The following ATCAY variants were observed in gnomAD, a reference collection of about 807,000 sequenced individuals.
The protein encoded by ATCAY is ATCAY kinesin light chain interacting caytaxin.
In ATCAY, 22 loss-of-function variants were observed where a neutral mutation model predicts 47.7. The ratio of observed to expected loss-of-function variants is 0.46; its 90% CI spans 0.33 to 0.66. ATCAY has a LOEUF of 0.66. Ranked by LOEUF, ATCAY falls within the 30% of genes least tolerant of loss-of-function variation. ATCAY has a pLI of 0.02. For missense variants in ATCAY, 452 were observed against 515.0 expected (o/e 0.88, Z 1.18); for synonymous variants, 216 against 207.6 (o/e 1.04, Z -0.35).
intron 6 of ATCAY, among the ~76,000 whole-genome samples, chr19:3,908,578 C>T (rs1021350668): frequency 8.6e-5 from 13 of 151,488 alleles, no homozygotes; most frequent in Admixed American, 7.2e-4. Context: ...TTCTCCTCCC[C>T]GTCCTCCTCC....
rs181350451 is a variant in ATCAY at position 3,887,477 on chromosome 19, T to A, written c.77+1633T>A. Among the ~76,000 whole-genome samples the A allele has an allele frequency of 4.3e-3, 639 of 149,684 alleles. 5 individuals carry two copies. Among genetic ancestry groups the A allele is most frequent in the African/African-American group, 0.015 (616 of 40,412 alleles). On this transcript the variant is annotated intron_variant, in intron 2 of 12. Coordinates refer to ENST00000450849, the MANE Select transcript of ATCAY (RefSeq NM_033064.5). The stretch of plus-strand genomic sequence containing the variant: ...TGTCTCTATTTTATTTTATTTTTTT[T>A]ATTTTATTTATTTATTTATTTATTT...
At chr19:3,908,089 C>A (rs1360375355) in intron 5 of ATCAY, among the ~76,000 whole-genome samples, 170 bp downstream of exon 5, 1 of 152,202 alleles carries the variant, frequency 6.6e-6, no homozygotes, top group Admixed American at 6.5e-5. Context: ...CTGGGGGCCC[C>A]TGATGGTCGC....
Position 3,905,462 on chromosome 19 carries a change from A to T in ATCAY, c.165A>T (p.Gly55=), listed in dbSNP as rs1331957733. The change falls in exon 4 of 13, where the codon GGA becomes GGT. Residue 55 remains glycine, a synonymous_variant. Transcript: ENST00000450849. ...SSPPNTLNFN[G]AHRKRKTLVA... is the part of the protein sequence containing the mutation. ...CTCCCAACACGCTAAATTTCAACGG[A>T]GCGCATCGTAAGAGGAAGACGCTGG... 1.2e-6 allele frequency: 2 copies of T among 1,612,704 alleles called. No homozygotes were observed. The highest frequency in any genetic ancestry group is 1.7e-6 in the Non-Finnish European group (2 of 1,179,326).
At chr19:3,923,736 G>GTGGA (rs2039040206) in intron 12 of ATCAY, among the ~76,000 whole-genome samples, 1 of 149,818 alleles carries the variant, frequency 6.7e-6, no homozygotes, top group Non-Finnish European at 1.5e-5. Context: ...GAATGGGTGG[G>GTGGA]TGGATGGATG....
chr19:3,887,829 G>A (rs1230727228), intron 2 of ATCAY, among the ~76,000 whole-genome samples: 3 of 149,890 alleles, frequency 2.0e-5, no homozygotes, highest in Non-Finnish European at 4.4e-5. Flanking sequence ...AAAAAAGGCC[G>A]GTCGCTGTGG....
chr19:3,910,977 G>A, intron 8 of ATCAY, 88 bp downstream of exon 8: 4 of 1,403,450 alleles, frequency 2.9e-6, no homozygotes, highest in East Asian at 2.3e-5. Flanking sequence ...GTGCATGTGT[G>A]CACGTGTGTG....
rs1056348842 is a variant in ATCAY at position 3,880,698 on chromosome 19, G to A, written c.-352G>A. 7 of 151,746 alleles carry A rather than the reference G, an allele frequency of 4.6e-5. No individual in the cohort carries two copies. Among genetic ancestry groups the A allele is most frequent in the Middle Eastern group, 6.3e-3 (2 of 316 alleles). 9.4% of individuals were successfully genotyped at this position (151,746 alleles called of 1,614,324 possible). A position where few individuals can be genotyped will look rare whatever the true frequency, so the allele number is the denominator to read the frequency against. ...GGGAAGCCGAGCCTCTGCCAGCCCT[G>A]AGCTGGGAAGAAGCAGCTACCTCGG... is the stretch of plus-strand genomic sequence containing the variant. On this transcript the variant is annotated 5_prime_UTR_variant, in exon 1 of 13. Transcript: ENST00000450849.
rs2038877626 is a variant in ATCAY, at chr19:3,907,824, A to G, written c.449A>G (p.Asn150Ser). The G allele has an allele frequency of 1.2e-6, 2 of 1,613,860 alleles. No individual in the cohort carries two copies. Among genetic ancestry groups the G allele is most frequent in the Non-Finnish European group, 1.7e-6 (2 of 1,179,864 alleles). The change falls in exon 5 of 13, where the codon AAC (asparagine) becomes AGC (serine). Residue 150 changes from asparagine to serine, a missense_variant. Coordinates refer to ENST00000450849, the MANE Select transcript of ATCAY (RefSeq NM_033064.5). This position sits in a 1 kb window ranked among gnomAD's most constrained non-coding sequence, Gnocchi z 5.1. ...DGTTEDGSAA[N>S]GRLWRTVIIG... ...ACGACGGAGGACGGCAGCGCCGCCA[A>G]CGGGCGCCTGTGGCGGACAGTGATC...
chr19:3,922,328 G>T (rs528471495), intron 12 of ATCAY: 2 of 639,080 alleles, frequency 3.1e-6, no homozygotes, highest in Admixed American at 2.5e-5. Flanking sequence ...CATGGCTGGG[G>T]AGGCCCCGGG....
intron 10 of ATCAY, 87 bp downstream of exon 10, chr19:3,917,864 T>G (rs2038979907): frequency 5.4e-6 from 8 of 1,468,288 alleles, no homozygotes; most frequent in Admixed American, 2.0e-5. Context: ...CGGTGACTTC[T>G]GGGCAGCAGG....
At chr19:3,896,129 G>A (rs1401087023) in intron 2 of ATCAY, among the ~76,000 whole-genome samples, 2 of 152,080 alleles carry the variant, frequency 1.3e-5, no homozygotes, top group Admixed American at 6.6e-5. Flanking sequence ...TGTGATTACC[G>A]GCATGAGCCC....
At chr19:3,882,586 C>T (rs995540030) in intron 1 of ATCAY, among the ~76,000 whole-genome samples, 3 of 149,634 alleles carry the variant, frequency 2.0e-5, no homozygotes, top group Non-Finnish European at 4.4e-5. Flanking sequence ...CTATCTCAGC[C>T]TCCCAAAGTG....
chr19:3,892,446 C>T (rs892846915), intron 2 of ATCAY, among the ~76,000 whole-genome samples: 1 of 152,122 alleles, frequency 6.6e-6, no homozygotes, highest in African/African-American at 2.4e-5. Context: ...AATGATCCTC[C>T]CACCTCAGCC....
intron 2 of ATCAY, chr19:3,895,329 C>T (rs1047897069): frequency 2.4e-6 from 1 of 425,022 alleles, no homozygotes; most frequent in African/African-American, 2.0e-5. Flanking sequence ...ATTCTCTTGC[C>T]TCAGCCTCCT....
At chr19:3,902,458 C>T (rs369271502) in intron 2 of ATCAY, 29 bp from the exon 3 acceptor site, 53 of 1,560,588 alleles carry the variant, frequency 3.4e-5, no homozygotes, top group Middle Eastern at 1.7e-4. Context: ...TGCCCGGCGA[C>T]TGATGCCTGT....
intron 1 of ATCAY, among the ~76,000 whole-genome samples, chr19:3,882,635 G>A (rs2038612175): frequency 6.7e-6 from 1 of 150,370 alleles, no homozygotes; most frequent in Admixed American, 6.7e-5. Context: ...CCAGCCAGAT[G>A]CCTTATTTTA....
At chr19:3,888,400 C>T (rs1459897628) in intron 2 of ATCAY, among the ~76,000 whole-genome samples, 2 of 151,810 alleles carry the variant, frequency 1.3e-5, no homozygotes, top group Admixed American at 6.6e-5. Context: ...GAGGCCGAGG[C>T]GGGCAAATCA....
At chr19:3,890,872 C>T (rs1195493332) in intron 2 of ATCAY, among the ~76,000 whole-genome samples, 1 of 152,166 alleles carries the variant, frequency 6.6e-6, no homozygotes. Context: ...AGAACTGAGT[C>T]GGCTCCTCGG....
At chr19:3,917,219 G>A (rs1001531113) in intron 9 of ATCAY, among the ~76,000 whole-genome samples, 1 of 151,972 alleles carries the variant, frequency 6.6e-6, no homozygotes, top group Admixed American at 6.6e-5. Context: ...GAGCCCAGGA[G>A]TTGGAGGCTA....
Sources: gnomAD v4.1 joint callset for allele counts (sites outside exome capture counted in the v4.1 genomes callset) on GRCh38, gnomAD v4.1.1 for gene constraint, Gnocchi (gnomAD v3.1) non-coding constraint, MANE v1.5 for transcripts, NCBI Gene and HGNC (gene_info 2026-07-23, HGNC 2026-07-21) for gene names.